MMUT: variants seen among roughly 807,000 people sequenced by gnomAD.
MMUT encodes the protein methylmalonyl-CoA mutase, mitochondrial.
MMUT carries 79 observed loss-of-function variants against 79.9 expected under a neutral mutation model. The observed-to-expected ratio is 0.99, with a 90% CI of 0.82 to 1.19. The LOEUF (loss-of-function observed/expected upper bound fraction) is 1.19. Among genes scored for constraint, MMUT ranks in the 50% most tolerant of loss-of-function variants. The pLI, the probability that MMUT is intolerant of heterozygous loss-of-function variation, is 0.00. For missense variants in MMUT, 860 were observed against 917.2 expected, an observed-to-expected ratio of 0.94 and a Z score of 0.81; for synonymous variants, 273 against 295.7, an observed-to-expected ratio of 0.92 and a Z score of 0.79.
At chr6:49,452,017 T>A (rs1767567330) in intron 5 of MMUT, among the ~76,000 whole-genome samples, 1 of 152,210 alleles carries the variant, frequency 6.6e-6, no homozygotes, top group Non-Finnish European at 1.5e-5. Context: ...TACTTAAGAT[T>A]ATATAGTCCT....
chr6:49,430,933 T>G lies in MMUT; in HGVS notation c.*795A>C, dbSNP rs1426751409. On this transcript the variant is annotated 3_prime_UTR_variant, in exon 13 of 13. Coordinates refer to ENST00000274813, the MANE Select transcript of MMUT (RefSeq NM_000255.4). ...AGGAGCAAATCTATGCAAGGTAGCA[T>G]CTTTCTAGATCTGGAAAGTTGAATT... 1 of 152,208 alleles carries G rather than the reference T, an allele frequency of 6.6e-6. No homozygotes were observed. Among genetic ancestry groups the G allele is most frequent in the Non-Finnish European group, 1.5e-5 (1 of 68,024 alleles). The allele number at this position is 152,208 out of a possible 1,614,324, so 9.4% of individuals were successfully genotyped here. A position where few individuals can be genotyped will look rare whatever the true frequency, so the allele number is the denominator to read the frequency against.
At chr6:49,459,644 T>A in intron 1 of MMUT, 139 bp from the exon 2 acceptor site, 1 of 721,952 alleles carries the variant, frequency 1.4e-6, no homozygotes, top group Non-Finnish European at 2.2e-6. Context: ...CTGCACCTGA[T>A]ATTTTATAAC....
At chr6:49,441,545 C>A (rs1367170355) in intron 10 of MMUT, among the ~76,000 whole-genome samples, 2 of 149,648 alleles carry the variant, frequency 1.3e-5, no homozygotes, top group Non-Finnish European at 3.0e-5. Flanking sequence ...ATATTAGTTT[C>A]AATATTTGAT....
intron 1 of MMUT, 66 bp from the exon 2 acceptor site, chr6:49,459,571 G>C: frequency 8.3e-7 from 1 of 1,203,248 alleles, no homozygotes; most frequent in South Asian, 1.4e-5. Context: ...CTACTCATAA[G>C]AAAGGAACAG....
At chr6:49,447,594 G>T (rs1419879245) in intron 8 of MMUT, 76 bp downstream of exon 8, 9 of 807,508 alleles carry the variant, frequency 1.1e-5, no homozygotes, top group Middle Eastern at 2.5e-4. Flanking sequence ...ATTTAAGCAG[G>T]ACAGTTTAAA....
chr6:49,441,750 G>A, intron 10 of MMUT, 90 bp downstream of exon 10: 3 of 1,324,250 alleles, frequency 2.3e-6, no homozygotes, highest in East Asian at 2.8e-5. Context: ...TTTCTCAGTT[G>A]TATGTAAGGA....
chr6:49,430,880 A>G lies in MMUT; in HGVS notation c.*848T>C, dbSNP rs1163627903. On this transcript the variant is annotated 3_prime_UTR_variant, in exon 13 of 13. Coordinates refer to ENST00000274813, the MANE Select transcript of MMUT (RefSeq NM_000255.4). ...AAGCAAAGTACAGGTGTTCTCTGTG[A>G]TATTTTTATTTTTGCAATTTATGTT... 2 of 152,170 alleles carry G rather than the reference A, an allele frequency of 1.3e-5. No homozygotes were observed. Among genetic ancestry groups the G allele is most frequent in the Admixed American group, 6.5e-5 (1 of 15,274 alleles). The allele number at this position is 152,170 out of a possible 1,614,324, so 9.4% of individuals were successfully genotyped here. A position where few individuals can be genotyped will look rare whatever the true frequency, so the allele number is the denominator to read the frequency against.
chr6:49,448,505 T>C (rs991413144), intron 7 of MMUT, among the ~76,000 whole-genome samples: 2 of 152,112 alleles, frequency 1.3e-5, no homozygotes, highest in African/African-American at 4.8e-5. Flanking sequence ...ATTGAATGAA[T>C]GAATACTCCA....
At chr6:49,433,152 A>G (rs1369546001) in intron 12 of MMUT, among the ~76,000 whole-genome samples, 1 of 152,226 alleles carries the variant, frequency 6.6e-6, no homozygotes, top group East Asian at 1.9e-4. Context: ...GTTCTTGAGT[A>G]GATGATACAG....
chr6:49,441,488 G>C (rs1395119031), intron 10 of MMUT, among the ~76,000 whole-genome samples: 2 of 151,392 alleles, frequency 1.3e-5, no homozygotes, highest in African/African-American at 4.8e-5. Context: ...AACTCCTGAA[G>C]GGGACTATGG....
intron 11 of MMUT, among the ~76,000 whole-genome samples, chr6:49,438,110 G>A (rs1005388599): frequency 3.2e-5 from 2 of 62,238 alleles, no homozygotes; most frequent in African/African-American, 1.4e-4. Context: ...TTGTAACCTC[G>A]AGGACAAAAT....
intron 11 of MMUT, among the ~76,000 whole-genome samples, chr6:49,436,108 TAA>T (rs1767118052): frequency 6.6e-6 from 1 of 152,184 alleles, no homozygotes; most frequent in East Asian, 1.9e-4. Flanking sequence ...TGGCTATTAT[TAA>T]AAAGTCAAAA....
Position 49,448,801 on chromosome 6 carries a change from T to G in MMUT, c.1444+15A>C. On this transcript the variant is annotated intron_variant, in intron 7 of 12. Coordinates refer to ENST00000274813, the MANE Select transcript of MMUT (RefSeq NM_000255.4). ...AACTACTGGATTTCATATATGAACT[T>G]TCTCACTATCTTACCAGAATCTATT... 6.3e-7 allele frequency: 1 copy of G among 1,576,530 alleles called. No individual in the cohort carries two copies. The highest frequency in any genetic ancestry group is 1.1e-5 in the South Asian group (1 of 90,326).
chr6:49,433,106 G>A (rs1251584615), intron 12 of MMUT, among the ~76,000 whole-genome samples: 1 of 152,136 alleles, frequency 6.6e-6, no homozygotes, highest in Non-Finnish European at 1.5e-5. Context: ...TGTTTCCCCA[G>A]TACTTGACAC....
At chr6:49,433,500 T>C (rs1581816708) in intron 12 of MMUT, among the ~76,000 whole-genome samples, 1 of 152,214 alleles carries the variant, frequency 6.6e-6, no homozygotes, top group Non-Finnish European at 1.5e-5. Context: ...AATAAAAATA[T>C]ATGTTTGAAT....
At position 49,453,673 on chromosome 6, in the gene MMUT, A is replaced by C. The variant is rs1767615100; in HGVS notation, c.995T>G (p.Leu332Ter). The C allele has an allele frequency of 2.5e-6, 4 of 1,613,104 alleles. No individual in the cohort carries two copies. Among genetic ancestry groups the C allele is most frequent in the Non-Finnish European group, 3.4e-6 (4 of 1,179,316 alleles). ...MRAGRRLWAHLIEKMFQPKNS... is the reference protein window; with the variant it reads ...MRAGRRLWAH ...TTTAGGCTGAAACATTTTCTCTATTAAGTGAGCCCAGAGTCTTCTACCAGC... is the reference window on the plus strand; with the variant it reads ...TTTAGGCTGAAACATTTTCTCTATTCAGTGAGCCCAGAGTCTTCTACCAGC... Residue 332 changes from leucine to a stop codon, truncating the protein, a stop_gained, in exon 5 of 13, where the codon TTA (leucine) becomes TGA (stop). Coordinates refer to ENST00000274813, the MANE Select transcript of MMUT (RefSeq NM_000255.4). LOFTEE classifies it high-confidence loss of function.
intron 11 of MMUT, among the ~76,000 whole-genome samples, chr6:49,437,382 A>G (rs1363532621): frequency 6.6e-6 from 1 of 152,188 alleles, no homozygotes; most frequent in Non-Finnish European, 1.5e-5. Flanking sequence ...ATAGCCACAC[A>G]ATTATACAGT....
chr6:49,431,393 T>G lies in MMUT; in HGVS notation c.*335A>C. The G allele has an allele frequency of 5.6e-6, 1 of 179,134 alleles. No individual in the cohort carries two copies. The highest frequency in any genetic ancestry group is 1.2e-4 in the South Asian group (1 of 8,264). 11.1% of individuals were successfully genotyped at this position (179,134 alleles called of 1,614,324 possible). A position where few individuals can be genotyped will look rare whatever the true frequency, so the allele number is the denominator to read the frequency against. On this transcript the variant is annotated 3_prime_UTR_variant, in exon 13 of 13. Transcript: ENST00000274813. ...CAGAGTTTTTTTAGGTACAGTTTAA[T>G]TCTTAATATAAAAAGTAAACAGATT... is the stretch of plus-strand genomic sequence containing the variant.
At chr6:49,451,288 A>C (rs901889348) in intron 6 of MMUT, among the ~76,000 whole-genome samples, 178 bp downstream of exon 6, 4 of 152,158 alleles carry the variant, frequency 2.6e-5, no homozygotes, top group African/African-American at 9.6e-5. Flanking sequence ...TGTTTTGAAA[A>C]CTATAAAATC....
Sources: gnomAD v4.1 joint callset for allele counts (sites outside exome capture counted in the v4.1 genomes callset) on GRCh38, gnomAD v4.1.1 for gene constraint, MANE v1.5 for transcripts, NCBI Gene and HGNC (gene_info 2026-07-23, HGNC 2026-07-21) for gene names.